The following SMYD4 variants were observed in gnomAD, a reference collection of about 807,000 sequenced individuals.
SMYD4 encodes protein-lysine N-methyltransferase SMYD4.
Under a neutral mutation model 72.8 loss-of-function variants are expected in SMYD4, and 68 were observed. The observed-to-expected ratio is 0.93, with a 90% CI of 0.77 to 1.14. The LOEUF (loss-of-function observed/expected upper bound fraction) is 1.14, where lower values mean the gene tolerates loss of function less well. Among genes scored for constraint, SMYD4 ranks in the 50% most tolerant of loss-of-function variants. The pLI is 0.00. For missense variants in SMYD4, 984 were observed against 1,003.7 expected (o/e 0.98, Z 0.27); for synonymous variants, 407 against 388.6 (o/e 1.05, Z -0.56).
In SMYD4 at chr17:1,827,851, A is replaced by G. The variant is rs745380659; in HGVS notation, c.134+10T>C. On this transcript the variant is annotated intron_variant, in intron 2 of 10. Transcript: ENST00000305513. ...CTCACAATTCCCTTGTTAAAGCTTG[A>G]TTTACTTACTGAAGAAGTGAAGAGG... 1 of 1,593,148 alleles carries G rather than the reference A, an allele frequency of 6.3e-7. No individual in the cohort carries two copies. Among genetic ancestry groups the G allele is most frequent in the African/African-American group, 1.3e-5 (1 of 74,618 alleles).
At chr17:1,792,752 A>G (rs1487505527) in intron 5 of SMYD4, among the ~76,000 whole-genome samples, 2 of 152,134 alleles carry the variant, frequency 1.3e-5, no homozygotes, top group African/African-American at 2.4e-5. Context: ...ACTTATCACT[A>G]TCTACTTCGA....
intron 2 of SMYD4, among the ~76,000 whole-genome samples, chr17:1,822,540 G>A (rs1370084108): frequency 1.3e-5 from 2 of 152,116 alleles, no homozygotes; most frequent in South Asian, 2.1e-4. Context: ...AGAAAAAGGC[G>A]GGAAGCTCTC....
Position 1,802,431 on chromosome 17 carries a change from TCA to T in SMYD4, c.370-1409_370-1408del, listed in dbSNP as rs569770926. 1.8e-3 allele frequency among the ~76,000 whole-genome samples: 267 copies of T among 151,952 alleles called. 1 individual carries two copies. Among genetic ancestry groups the T allele is most frequent in the African/African-American group, 5.4e-3 (222 of 41,406 alleles). Reference sequence around the variant, plus strand: ...ACTGCTTGAGCCCAGGAGTTTGAGATCACAGTTAGCTATGATCGAGTCACTGC... The same window carrying T: ...ACTGCTTGAGCCCAGGAGTTTGAGATCAGTTAGCTATGATCGAGTCACTGC... On this transcript the variant is annotated intron_variant, in intron 4 of 10. Coordinates refer to ENST00000305513, the MANE Select transcript of SMYD4 (RefSeq NM_052928.3).
rs756865521 is a variant in SMYD4 at position 1,784,394 on chromosome 17, A to C, written c.1952T>G (p.Val651Gly). Residue 651 changes from valine (V) to glycine (G), a missense_variant, in exon 8 of 11, where the codon GTC (valine) becomes GGC (glycine). Val to Gly is a moderately radical substitution (Grantham distance 109). Transcript: ENST00000305513. ...CTGCTGTAGGTCCTGTAACCGAGAG[A>C]CCAGGTGGTCCCTGCTGACGGCGGA... ...AESAVSRDHLVSRLQDLQQQV... is the reference protein window; with the variant it reads ...AESAVSRDHLGSRLQDLQQQV... 4.3e-6 allele frequency: 7 copies of C among 1,614,208 alleles called. No individual in the cohort carries two copies. The highest frequency in any genetic ancestry group is 5.9e-6 in the Non-Finnish European group (7 of 1,180,036).
chr17:1,789,019 C>T (rs1908859922), intron 5 of SMYD4, among the ~76,000 whole-genome samples: 1 of 152,182 alleles, frequency 6.6e-6, no homozygotes, highest in African/African-American at 2.4e-5. Context: ...AGGAAACATT[C>T]AGTTTTCTGG....
At chr17:1,793,257 G>C (rs1425494957) in intron 5 of SMYD4, among the ~76,000 whole-genome samples, 1 of 151,642 alleles carries the variant, frequency 6.6e-6, no homozygotes, top group Non-Finnish European at 1.5e-5. Context: ...GAGCTGTATA[G>C]TTGCTAGAGA....
Position 1,780,926 on chromosome 17 carries a change from A to ATTT in SMYD4, c.*357_*359dup. ...CTTGAGCCACCGCACCCGGCCTCTT[A>ATTT]TTTTTTTTTTTGAGATGGAGTCTCA... On this transcript the variant is annotated 3_prime_UTR_variant, in exon 11 of 11. Coordinates refer to ENST00000305513, the MANE Select transcript of SMYD4 (RefSeq NM_052928.3). 1 of 109,930 alleles carries ATTT rather than the reference A, an allele frequency of 9.1e-6. No individual in the cohort carries two copies. Among genetic ancestry groups the ATTT allele is most frequent in the Non-Finnish European group, 1.9e-5 (1 of 53,156 alleles). The allele number at this position is 109,930 out of a possible 1,614,324, so 6.8% of individuals were successfully genotyped here. A position where few individuals can be genotyped will look rare whatever the true frequency, so the allele number is the denominator to read the frequency against.
At chr17:1,785,220 G>A (rs1177793010) in intron 7 of SMYD4, among the ~76,000 whole-genome samples, 248 of 144,310 alleles carry the variant, frequency 1.7e-3, no homozygotes, top group Non-Finnish European at 2.4e-3. Flanking sequence ...TCAGGAGATC[G>A]AGACCATCCT....
chr17:1,826,952 A>G (rs1597403162), intron 2 of SMYD4, among the ~76,000 whole-genome samples: 1 of 152,028 alleles, frequency 6.6e-6, no homozygotes, highest in African/African-American at 2.4e-5. Flanking sequence ...GGAGTTCAAG[A>G]CCAGCCTGGC....
Position 1,800,634 on chromosome 17 carries a change from G to C in SMYD4, c.760C>G (p.Leu254Val), listed in dbSNP as rs935946565. 106 of 1,614,082 alleles carry C rather than the reference G, an allele frequency of 6.6e-5. No individual in the cohort carries two copies. The highest frequency in any genetic ancestry group is 8.2e-5 in the Non-Finnish European group (97 of 1,180,044). The change falls in exon 5 of 11, where the codon CTC becomes GTC. Residue 254 changes from leucine (L) to valine (V), a missense_variant. Transcript: ENST00000305513. ...TCCTGCACCAGGAGCTCTCCTGGGA[G>C]AATATCTTTTGTGGCAACGAGACAG... ...GRCLVATKDI[L>V]PGELLVQEDA...
Position 1,800,623 on chromosome 17 carries a change from C to T in SMYD4, c.771G>A (p.Glu257=), listed in dbSNP as rs1021306807. 3 of 1,613,992 alleles carry T rather than the reference C, an allele frequency of 1.9e-6. No homozygotes were observed. In the African/African-American group the frequency reaches 4.0e-5, roughly 22 times the overall value. ...CAAAAGCATCCTCCTGCACCAGGAG[C>T]TCTCCTGGGAGAATATCTTTTGTGG... ...LVATKDILPG[E]LLVQEDAFVS... is the part of the protein sequence containing the mutation. The change falls in exon 5 of 11, where the codon GAG becomes GAA. Residue 257 remains glutamate (E), a synonymous_variant. Coordinates refer to ENST00000305513, the MANE Select transcript of SMYD4 (RefSeq NM_052928.3).
In SMYD4 at chr17:1,818,915, TG is replaced by T. The variant is rs1317800478; in HGVS notation, c.135-6801del. Among the ~76,000 whole-genome samples, 10 of 152,240 alleles carry T rather than the reference TG, an allele frequency of 6.6e-5. No homozygotes were observed. In the East Asian group the frequency reaches 1.9e-3, roughly 29 times the overall value. The stretch of plus-strand genomic sequence containing the variant: ...CACCTGCTTCAGCCTCCCAAAGTGC[TG>T]GGATTATAGGTGTGAGCCACTGCAC... On this transcript the variant is annotated intron_variant, in intron 2 of 10. Coordinates refer to ENST00000305513, the MANE Select transcript of SMYD4 (RefSeq NM_052928.3).
intron 8 of SMYD4, chr17:1,783,864 TG>T: frequency 3.3e-6 from 1 of 306,338 alleles, no homozygotes. Flanking sequence ...TCAAGGGCAA[TG>T]GGGAGCTCCG....
intron 5 of SMYD4, among the ~76,000 whole-genome samples, chr17:1,795,208 T>C (rs1909326733): frequency 2.0e-5 from 3 of 152,130 alleles, no homozygotes; most frequent in South Asian, 4.1e-4. Flanking sequence ...GGTCTTGCTA[T>C]GTTGCCCAGG....
At chr17:1,797,865 G>T (rs12944964) in intron 5 of SMYD4, among the ~76,000 whole-genome samples, 9 of 151,768 alleles carry the variant, frequency 5.9e-5, no homozygotes, top group Admixed American at 3.3e-4. Flanking sequence ...AGCTGGGCGT[G>T]GGGGTGCACG....
chr17:1,813,981 A>C (rs12953068), intron 2 of SMYD4, among the ~76,000 whole-genome samples: 122,617 of 152,070 alleles, frequency 0.81, 50,608 homozygotes, highest in African/African-American at 0.93. Flanking sequence ...ACTAAAAATT[A>C]TCTTAAGTAA....
At chr17:1,784,482 T>C in intron 7 of SMYD4, 21 bp from the exon 8 acceptor site, 1 of 1,613,710 alleles carries the variant, frequency 6.2e-7, no homozygotes, top group Non-Finnish European at 8.5e-7. Flanking sequence ...CAGTTTTCTC[T>C]TTATTCCAAT....
At chr17:1,826,577 G>C (rs1273214188) in intron 2 of SMYD4, among the ~76,000 whole-genome samples, 1 of 151,130 alleles carries the variant, frequency 6.6e-6, no homozygotes, top group Non-Finnish European at 1.5e-5. Context: ...ACTGTACCGA[G>C]TATCTGAACT....
chr17:1,815,082 G>C (rs1265075038), intron 2 of SMYD4, among the ~76,000 whole-genome samples: 1 of 146,346 alleles, frequency 6.8e-6, no homozygotes. Context: ...TTCTTTTTTT[G>C]AGATGGAGTC....
Sources: allele counts gnomAD v4.1 joint callset (sites outside exome capture counted in the v4.1 genomes callset), GRCh38; gene constraint gnomAD v4.1.1; transcripts MANE v1.5; gene names NCBI Gene and HGNC (gene_info 2026-07-23, HGNC 2026-07-21).